The following NFE2L3 variants were observed in gnomAD, a reference collection of about 807,000 sequenced individuals.
NFE2L3 encodes the protein nuclear factor erythroid 2-related factor 3.
NFE2L3 carries 18 observed loss-of-function variants against 23.5 expected under a neutral mutation model. The observed-to-expected ratio is 0.77, with a 90% confidence interval of 0.53 to 1.13. The LOEUF (loss-of-function observed/expected upper bound fraction) is 1.13. Among genes scored for constraint, NFE2L3 ranks in the 50% most tolerant of loss-of-function variants. The pLI, the probability that NFE2L3 is intolerant of heterozygous loss-of-function variation, is 0.00. For missense variants in NFE2L3, 1,152 were observed against 877.2 expected (o/e 1.31, Z -3.96); for synonymous variants, 424 against 354.5 (o/e 1.20, Z -2.20).
intron 1 of NFE2L3, among the ~76,000 whole-genome samples, chr7:26,160,596 G>A (rs1319495071): frequency 6.6e-6 from 1 of 152,228 alleles, no homozygotes; most frequent in African/African-American, 2.4e-5. Flanking sequence ...GAGCTGCAAT[G>A]CTACAGGCTT....
chr7:26,180,600 C>G (rs886613996), intron 2 of NFE2L3, among the ~76,000 whole-genome samples: 3 of 152,202 alleles, frequency 2.0e-5, no homozygotes, highest in African/African-American at 7.2e-5. Context: ...GATGTTTTCA[C>G]TAGTCTTTCA....
chr7:26,186,680 A>G lies in NFE2L3; in HGVS notation c.*897A>G, dbSNP rs1398885094. ...AGGGATGGCCTCACCATCTTAGAAT[A>G]CTGAGATCTCACCAGAACACTGTAA... On this transcript the variant is annotated 3_prime_UTR_variant, in exon 4 of 4. Transcript: ENST00000056233. 6.6e-6 allele frequency: 1 copy of G among 152,206 alleles called. No homozygotes were observed. The highest frequency in any genetic ancestry group is 6.5e-5 in the Admixed American group (1 of 15,284). The allele number at this position is 152,206 out of a possible 1,614,324, so 9.4% of individuals were successfully genotyped here.
chr7:26,154,689 A>C (rs1011528719), intron 1 of NFE2L3, among the ~76,000 whole-genome samples: 1 of 152,108 alleles, frequency 6.6e-6, no homozygotes, highest in Non-Finnish European at 1.5e-5. Flanking sequence ...TAGCTAGGAG[A>C]ACTGGCGTGC....
chr7:26,185,689 T>G lies in NFE2L3; in HGVS notation c.1991T>G (p.Leu664Arg), dbSNP rs1782465954. The G allele has an allele frequency of 1.9e-6, 3 of 1,613,680 alleles. No homozygotes were observed. The highest frequency in any genetic ancestry group is 1.7e-6 in the Non-Finnish European group (2 of 1,179,748). Residue 664 changes from leucine to arginine, a missense_variant, in exon 4 of 4, where the codon CTC (leucine) becomes CGC (arginine). Physicochemically the swap from Leu to Arg is moderately radical, Grantham distance 102 (BLOSUM62 -2). Transcript: ENST00000056233. Reference sequence around the variant, plus strand: ...CCAGTCAATCCCAACCACTATGCTCTCCAGTGTACCCATGATGGAAGTATC... The same window carrying G: ...CCAGTCAATCCCAACCACTATGCTCGCCAGTGTACCCATGATGGAAGTATC... ...GRPVNPNHYA[L>R]QCTHDGSILI...
chr7:26,163,107 G>A (rs1194333116), intron 1 of NFE2L3, among the ~76,000 whole-genome samples: 1 of 152,116 alleles, frequency 6.6e-6, no homozygotes, highest in Non-Finnish European at 1.5e-5. Context: ...TTCATGGCCG[G>A]TCATGTTTCA....
chr7:26,155,561 G>A (rs773500570), intron 1 of NFE2L3, among the ~76,000 whole-genome samples: 1 of 151,876 alleles, frequency 6.6e-6, no homozygotes, highest in Non-Finnish European at 1.5e-5. Flanking sequence ...TCTCAGACTG[G>A]CACATTAATT....
Position 26,184,546 on chromosome 7 carries a change from G to C in NFE2L3, c.848G>C (p.Gly283Ala), listed in dbSNP as rs1782429807. 5 of 1,610,848 alleles carry C rather than the reference G, an allele frequency of 3.1e-6. No individual in the cohort carries two copies. In the East Asian group the frequency reaches 1.1e-4, roughly 36 times the overall value. The stretch of plus-strand genomic sequence containing the variant: ...TTCGTTTTTCAGGGCATCTCATTGG[G>C]AGATATTCCTCTTCCAGGCAGTATC... ...PENSLEGISLGDIPLPGSISD... is the reference protein window; with the variant it reads ...PENSLEGISLADIPLPGSISD... Residue 283 changes from glycine (G) to alanine (A), a missense_variant, in exon 4 of 4, where the codon GGA becomes GCA. Gly to Ala is a moderately conservative substitution (Grantham distance 60, BLOSUM62 0). Coordinates refer to ENST00000056233, the MANE Select transcript of NFE2L3 (RefSeq NM_004289.7).
Position 26,185,461 on chromosome 7 carries a change from A to C in NFE2L3, c.1763A>C (p.Asn588Thr), listed in dbSNP as rs756248445. The change falls in exon 4 of 4, where the codon AAT becomes ACT. Residue 588 changes from asparagine to threonine, a missense_variant. By Grantham distance (65) the Asn-to-Thr change is moderately conservative. Transcript: ENST00000056233. ...LIRDIRRRGK[N>T]KVAAQNCRKR... ...CGTGACATCAGACGAAGAGGGAAAAATAAAGTTGCTGCGCAGAACTGTCGT... is the reference window on the plus strand; with the variant it reads ...CGTGACATCAGACGAAGAGGGAAAACTAAAGTTGCTGCGCAGAACTGTCGT... 1 of 1,614,092 alleles carries C rather than the reference A, an allele frequency of 6.2e-7. No homozygotes were observed. Among genetic ancestry groups the C allele is most frequent in the South Asian group, 1.1e-5 (1 of 91,080 alleles).
At chr7:26,162,694 A>G (rs1180605283) in intron 1 of NFE2L3, among the ~76,000 whole-genome samples, 1 of 151,650 alleles carries the variant, frequency 6.6e-6, no homozygotes, top group African/African-American at 2.4e-5. Context: ...AGGGGACTTT[A>G]GAAGTAAGTT....
chr7:26,156,304 A>G (rs1190342966), intron 1 of NFE2L3, among the ~76,000 whole-genome samples: 1 of 152,176 alleles, frequency 6.6e-6, no homozygotes, highest in East Asian at 1.9e-4. Flanking sequence ...CTTCAAAGAG[A>G]CGAAGTGCTT....
intron 1 of NFE2L3, among the ~76,000 whole-genome samples, chr7:26,171,479 G>C (rs1470146709): frequency 6.6e-6 from 1 of 151,986 alleles, no homozygotes; most frequent in Non-Finnish European, 1.5e-5. Flanking sequence ...TGCAGGTGGA[G>C]GTTGCGGTGA....
chr7:26,165,475 T>G (rs1784233625), intron 1 of NFE2L3, among the ~76,000 whole-genome samples: 1 of 152,232 alleles, frequency 6.6e-6, no homozygotes, highest in African/African-American at 2.4e-5. Flanking sequence ...TAAGAATGCT[T>G]GTGATTTTTG....
At chr7:26,173,949 T>C (rs1314108065) in intron 1 of NFE2L3, 1 of 152,096 alleles carries the variant, frequency 6.6e-6, no homozygotes, top group Non-Finnish European at 1.5e-5. Context: ...GGAAAAAGAT[T>C]TTGATGTAGT....
chr7:26,159,778 A>T (rs1562669190), intron 1 of NFE2L3, among the ~76,000 whole-genome samples: 1 of 152,162 alleles, frequency 6.6e-6, no homozygotes, highest in Non-Finnish European at 1.5e-5. Context: ...GGGATTGCCT[A>T]AAGTTATATA....
chr7:26,164,898 C>T (rs894391106), intron 1 of NFE2L3, among the ~76,000 whole-genome samples: 15 of 152,114 alleles, frequency 9.9e-5, no homozygotes, highest in African/African-American at 3.6e-4. Flanking sequence ...TTCCCAGCAC[C>T]ATTTATTAAA....
intron 2 of NFE2L3, among the ~76,000 whole-genome samples, chr7:26,182,474 AT>A (rs572554740): frequency 5.0e-4 from 73 of 145,206 alleles, no homozygotes; most frequent in African/African-American, 2.1e-3. Flanking sequence ...AAATATAAAA[AT>A]TGGCCAGGCG....
chr7:26,164,056 T>C (rs898358569), intron 1 of NFE2L3, among the ~76,000 whole-genome samples: 49 of 152,244 alleles, frequency 3.2e-4, no homozygotes, highest in African/African-American at 1.1e-3. Flanking sequence ...CAGTCTATCA[T>C]TGTTGGACAT....
chr7:26,164,316 CTGT>C (rs1307576082), intron 1 of NFE2L3, among the ~76,000 whole-genome samples: 23 of 152,200 alleles, frequency 1.5e-4, no homozygotes, highest in African/African-American at 5.6e-4. Context: ...TCTCCAGCAC[CTGT>C]TGTTTCCTGA....
In NFE2L3 at chr7:26,173,155, T is replaced by C. The variant is rs540020337; in HGVS notation, c.571-4788T>C. On this transcript the variant is annotated intron_variant, in intron 1 of 3. Coordinates refer to ENST00000056233, the MANE Select transcript of NFE2L3 (RefSeq NM_004289.7). ...ATTTTGGCTTCCTGTAGTGTGAATT[T>C]TGATCATACAGAATTTCTCTGCCTC... is the stretch of plus-strand genomic sequence containing the variant. Among the ~76,000 whole-genome samples, 4 of 152,338 alleles carry C rather than the reference T, an allele frequency of 2.6e-5. No homozygotes were observed. The East Asian group carries it at 7.7e-4, about 29-fold the overall frequency.
Sources: gnomAD v4.1 joint callset for allele counts (sites outside exome capture counted in the v4.1 genomes callset) on GRCh38, gnomAD v4.1.1 for gene constraint, MANE v1.5 for transcripts, NCBI Gene and HGNC (gene_info 2026-07-23, HGNC 2026-07-21) for gene names.